HNRNPC: variants seen among roughly 807,000 people sequenced by gnomAD.
HNRNPC encodes the protein heterogeneous nuclear ribonucleoprotein C, also known as heterogeneous nuclear ribonucleoproteins C1/C2.
Under a neutral mutation model 33.2 loss-of-function variants are expected in HNRNPC, and 3 were observed. The observed-to-expected ratio is 0.09, with a 90% confidence interval of 0.04 to 0.23. The LOEUF is 0.23. Ranked by LOEUF, HNRNPC falls within the 10% of genes least tolerant of loss-of-function variation. The pLI is 1.00. For synonymous variants in HNRNPC, 121 were observed against 126.7 expected, an observed-to-expected ratio of 0.96 and a Z score of 0.30; for missense variants, 143 against 366.7, an observed-to-expected ratio of 0.39 and a Z score of 4.98.
At chr14:21,254,981 T>C (rs925963455) in intron 2 of HNRNPC, among the ~76,000 whole-genome samples, 8 of 151,534 alleles carry the variant, frequency 5.3e-5, no homozygotes, top group Non-Finnish European at 1.5e-5. Flanking sequence ...TAGCCATAAC[T>C]CTAGCATGAA....
intron 2 of HNRNPC, among the ~76,000 whole-genome samples, chr14:21,250,863 G>T (rs1373208851): frequency 6.6e-6 from 1 of 152,152 alleles, no homozygotes; most frequent in Non-Finnish European, 1.5e-5. Context: ...CGGTACCACT[G>T]GGGTAGGGTG....
chr14:21,246,286 G>A lies in HNRNPC; in HGVS notation c.-36-12057C>T, dbSNP rs561375719. 1.3e-4 allele frequency among the ~76,000 whole-genome samples: 20 copies of A among 152,168 alleles called. 1 individual carries two copies. In the East Asian group the frequency reaches 1.7e-3, roughly 13 times the overall value. The stretch of plus-strand genomic sequence containing the variant: ...ATAAATGATGCCTCAAAGGCTGGGC[G>A]CGGTGGCTCATGCCTATAATCCCAG... On this transcript the variant is annotated intron_variant, in intron 2 of 8. Coordinates refer to ENST00000553300, the MANE Select transcript of HNRNPC (RefSeq NM_004500.4).
chr14:21,248,781 T>C (rs1244864543), intron 2 of HNRNPC, among the ~76,000 whole-genome samples: 1 of 152,266 alleles, frequency 6.6e-6, no homozygotes, highest in Non-Finnish European at 1.5e-5. Flanking sequence ...GAACCCATAC[T>C]GCATTTCCAG....
chr14:21,261,207 T>C (rs905900385), intron 2 of HNRNPC, among the ~76,000 whole-genome samples: 1 of 152,140 alleles, frequency 6.6e-6, no homozygotes, highest in Non-Finnish European at 1.5e-5. Flanking sequence ...TTCATGTGTC[T>C]CCCTCACTAA....
At chr14:21,245,084 C>CAAAAAAAAAAAAAA (rs71112560) in intron 2 of HNRNPC, among the ~76,000 whole-genome samples, 1 of 54,606 alleles carries the variant, frequency 1.8e-5, no homozygotes, top group Non-Finnish European at 3.9e-5. Flanking sequence ...GACTCCATCT[C>CAAAAAAAAAAAAAA]AAAAAAAAAA....
chr14:21,227,839 C>T (rs1051948041), intron 5 of HNRNPC, among the ~76,000 whole-genome samples: 1 of 152,192 alleles, frequency 6.6e-6, no homozygotes, highest in Non-Finnish European at 1.5e-5. Context: ...AAAACATCAA[C>T]TAAGAGTCCA....
At chr14:21,256,397 C>T (rs1405616243) in intron 2 of HNRNPC, among the ~76,000 whole-genome samples, 1 of 151,816 alleles carries the variant, frequency 6.6e-6, no homozygotes, top group Admixed American at 6.6e-5. Context: ...TGCGGTGAGC[C>T]GAGCTCGCAC....
At chr14:21,217,578 T>C (rs2139498219) in intron 5 of HNRNPC, among the ~76,000 whole-genome samples, 1 of 152,306 alleles carries the variant, frequency 6.6e-6, no homozygotes, top group Non-Finnish European at 1.5e-5. Flanking sequence ...ATCACTGATA[T>C]GGGTTGGGGA....
intron 2 of HNRNPC, among the ~76,000 whole-genome samples, chr14:21,244,665 G>A (rs1895752923): frequency 6.6e-6 from 1 of 152,208 alleles, no homozygotes; most frequent in Non-Finnish European, 1.5e-5. Context: ...CATGAGAATT[G>A]TATCGTTATG....
Position 21,211,914 on chromosome 14 carries a change from T to A in HNRNPC, c.533A>T (p.Asp178Val). ...CTCCTTCTTAATGGCCTGAAGGTCA[T>A]CTCCTTTCACTTTAATATAAACAAA... The part of the protein sequence containing the change: ...GSSKSGKLKG[D>V]DLQAIKKELT... The change falls in exon 7 of 9, where the codon GAT becomes GTT. Residue 178 changes from aspartate to valine, a missense_variant. Around this residue, in one of 2 missense-constraint regions of HNRNPC, gnomAD observed 131 missense variants for 253.0 expected, o/e 0.52. Coordinates refer to ENST00000553300, the MANE Select transcript of HNRNPC (RefSeq NM_004500.4). 1 of 1,610,644 alleles carries A rather than the reference T, an allele frequency of 6.2e-7. No individual in the cohort carries two copies. Among genetic ancestry groups the A allele is most frequent in the Non-Finnish European group, 8.5e-7 (1 of 1,177,160 alleles).
chr14:21,214,518 G>A (rs1335337168), intron 5 of HNRNPC, among the ~76,000 whole-genome samples: 2 of 152,176 alleles, frequency 1.3e-5, no homozygotes, highest in East Asian at 2.0e-4. Context: ...GTTGAGCCCA[G>A]GAGGTGAGAG....
At chr14:21,213,497 A>G (rs892384660) in intron 5 of HNRNPC, 1 of 179,010 alleles carries the variant, frequency 5.6e-6, no homozygotes, top group Admixed American at 5.5e-5. Flanking sequence ...ATTACAATAA[A>G]CAATTCACAT....
intron 2 of HNRNPC, chr14:21,254,485 A>T (rs1214691608): frequency 1.3e-5 from 2 of 152,198 alleles, no homozygotes; most frequent in African/African-American, 4.8e-5. Flanking sequence ...TGTATTTTCT[A>T]AAAATGTTCT....
intron 3 of HNRNPC, among the ~76,000 whole-genome samples, chr14:21,232,802 A>G (rs968601405): frequency 2.0e-5 from 3 of 152,216 alleles, no homozygotes; most frequent in Non-Finnish European, 4.4e-5. Flanking sequence ...TTGGGAGGCC[A>G]AAGCGGGAGG....
At chr14:21,237,336 C>T (rs1160835309) in intron 2 of HNRNPC, among the ~76,000 whole-genome samples, 2 of 152,186 alleles carry the variant, frequency 1.3e-5, no homozygotes, top group Non-Finnish European at 2.9e-5. Context: ...GCATTTGAAG[C>T]ATTTTTGTAG....
chr14:21,248,075 T>C (rs1022554900), intron 2 of HNRNPC, among the ~76,000 whole-genome samples: 1 of 152,008 alleles, frequency 6.6e-6, no homozygotes, highest in South Asian at 2.1e-4. Context: ...ACATTTTAAA[T>C]AGAGTATAAA....
chr14:21,244,568 C>T (rs912370014), intron 2 of HNRNPC, among the ~76,000 whole-genome samples: 5 of 152,174 alleles, frequency 3.3e-5, no homozygotes, highest in African/African-American at 1.2e-4. Flanking sequence ...TCATAGTTGA[C>T]TCTTTAATTC....
intron 5 of HNRNPC, among the ~76,000 whole-genome samples, chr14:21,223,944 A>G (rs1159444057): frequency 6.6e-6 from 1 of 152,100 alleles, no homozygotes; most frequent in Non-Finnish European, 1.5e-5. Context: ...ACCTAAAATG[A>G]CACCTCTGAG....
At chr14:21,221,866 T>A (rs1157340514) in intron 5 of HNRNPC, among the ~76,000 whole-genome samples, 3 of 151,678 alleles carry the variant, frequency 2.0e-5, no homozygotes, top group Admixed American at 6.6e-5. Context: ...GCAAACATGG[T>A]GAAACCACGT....
Sources: allele counts gnomAD v4.1 joint callset (sites outside exome capture counted in the v4.1 genomes callset), GRCh38; gene constraint gnomAD v4.1.1; regional missense constraint gnomAD v4.1.1; transcripts MANE v1.5; gene names NCBI Gene and HGNC (gene_info 2026-07-23, HGNC 2026-07-21).